Variants in LGI1 observed in about 807,000 individuals in gnomAD.
The protein encoded by LGI1 is leucine-rich glioma-inactivated protein 1.
LGI1 carries 11 observed loss-of-function variants against 57.7 expected under a neutral mutation model. The observed-to-expected ratio is 0.19, with a 90% confidence interval of 0.12 to 0.32. LGI1 has a LOEUF of 0.32. Among genes scored for constraint, LGI1 ranks in the 10% least tolerant of loss-of-function variants. LGI1 has a pLI of 1.00. For missense variants in LGI1, 422 were observed against 661.9 expected (o/e 0.64, Z 3.98); for synonymous variants, 222 against 241.9 (o/e 0.92, Z 0.76).
chr10:93,773,952 T>A (rs2059766604), intron 2 of LGI1, among the ~76,000 whole-genome samples: 1 of 152,070 alleles, frequency 6.6e-6, no homozygotes, highest in African/African-American at 2.4e-5. Context: ...AGTAACGAGG[T>A]CATTTGGATG....
chr10:93,765,985 A>AG (rs1181604368), intron 2 of LGI1, among the ~76,000 whole-genome samples: 1 of 151,850 alleles, frequency 6.6e-6, no homozygotes, highest in Non-Finnish European at 1.5e-5. Flanking sequence ...AAAAAAAAAA[A>AG]AAAAGAAATG....
intron 7 of LGI1, among the ~76,000 whole-genome samples, chr10:93,796,021 G>A (rs1177042434): frequency 6.6e-6 from 1 of 152,236 alleles, no homozygotes; most frequent in Non-Finnish European, 1.5e-5. Flanking sequence ...ATTTTCTAGA[G>A]CCAAACTCCT....
chr10:93,787,149 C>A (rs1451291039), intron 4 of LGI1, among the ~76,000 whole-genome samples: 2 of 152,156 alleles, frequency 1.3e-5, no homozygotes, highest in Non-Finnish European at 2.9e-5. Flanking sequence ...CCTTCTCATG[C>A]CCATCACTCA....
intron 4 of LGI1, chr10:93,789,737 G>T (rs2059920291): frequency 9.4e-6 from 2 of 213,154 alleles, no homozygotes; most frequent in South Asian, 1.8e-4. Context: ...AGCCGGGTAT[G>T]GTGGCGGGCA....
intron 7 of LGI1, 112 bp downstream of exon 7, chr10:93,793,462 AC>A: frequency 1.1e-6 from 1 of 949,588 alleles, no homozygotes; most frequent in Non-Finnish European, 1.7e-6. Context: ...TTCCAACTCT[AC>A]CATTTGTTAA....
chr10:93,764,624 G>T (rs2059655838), intron 2 of LGI1: 1 of 152,118 alleles, frequency 6.6e-6, no homozygotes, highest in South Asian at 2.1e-4. Context: ...TCCCCACTCT[G>T]CTTCTTCCTA....
intron 4 of LGI1, among the ~76,000 whole-genome samples, chr10:93,779,230 C>T (rs114633747): frequency 0.01 from 1,550 of 151,268 alleles, 29 homozygotes; most frequent in African/African-American, 0.034. Flanking sequence ...ATCCACATGG[C>T]CTCTGTCCAG....
intron 2 of LGI1, among the ~76,000 whole-genome samples, chr10:93,760,847 G>T (rs951821274): frequency 6.6e-5 from 10 of 152,102 alleles, no homozygotes; most frequent in Non-Finnish European, 1.5e-4. Context: ...AGCAGTTCAG[G>T]TTTCAGAAAT....
At chr10:93,776,338 T>A (rs187552137) in intron 2 of LGI1, among the ~76,000 whole-genome samples, 1 of 152,202 alleles carries the variant, frequency 6.6e-6, no homozygotes, top group African/African-American at 2.4e-5. Context: ...TATGTATCCA[T>A]CTTTCAGCTT....
At position 93,762,728 on chromosome 10, in the gene LGI1, T is replaced by C. The variant is rs1026550438; in HGVS notation, c.287+3897T>C. The C allele has an allele frequency of 3.4e-5, 5 of 146,714 alleles. No individual in the cohort carries two copies. The East Asian group carries it at 9.9e-4, about 29-fold the overall frequency. 9.1% of individuals were successfully genotyped at this position (146,714 alleles called of 1,614,324 possible). A position where few individuals can be genotyped will look rare whatever the true frequency, so the allele number is the denominator to read the frequency against. Reference sequence around the variant, plus strand: ...GCCCAATGATCCATAGATCTAATCTTTAACTTTTTAATTAATTACTTCTTT... The same window carrying C: ...GCCCAATGATCCATAGATCTAATCTCTAACTTTTTAATTAATTACTTCTTT... On this transcript the variant is annotated intron_variant, in intron 2 of 7. Coordinates refer to ENST00000371418, the MANE Select transcript of LGI1 (RefSeq NM_005097.4).
rs2059944275 is a variant in LGI1 at position 93,792,375 on chromosome 10, TA to T, written c.504-364del. On this transcript the variant is annotated intron_variant, in intron 5 of 7. Coordinates refer to ENST00000371418, the MANE Select transcript of LGI1 (RefSeq NM_005097.4). Reference sequence around the variant, plus strand: ...AATCTTTTGTATGTATTGGGTTAAATAAAACATATTATTAAAATGAATTATA... The same window carrying T: ...AATCTTTTGTATGTATTGGGTTAAATAAACATATTATTAAAATGAATTATA... 1.1e-4 allele frequency: 26 copies of T among 233,188 alleles called. No homozygotes were observed. The South Asian group carries it at 1.9e-3, about 17-fold the overall frequency. 14.4% of individuals were successfully genotyped at this position (233,188 alleles called of 1,614,324 possible). A position where few individuals can be genotyped will look rare whatever the true frequency, so the allele number is the denominator to read the frequency against.
intron 2 of LGI1, 183 bp from the exon 3 acceptor site, chr10:93,777,196 A>C (rs2059802784): frequency 3.1e-6 from 2 of 654,704 alleles, no homozygotes; most frequent in Non-Finnish European, 5.5e-6. Context: ...TGAGCCTTTG[A>C]TGAGGAGATG....
intron 4 of LGI1, among the ~76,000 whole-genome samples, chr10:93,782,538 C>G (rs2059855273): frequency 6.6e-6 from 1 of 151,532 alleles, no homozygotes; most frequent in African/African-American, 2.4e-5. Flanking sequence ...GTGTATATAC[C>G]ATTTAAACAT....
At chr10:93,773,666 C>T (rs3781269) in intron 2 of LGI1, among the ~76,000 whole-genome samples, 2 of 152,196 alleles carry the variant, frequency 1.3e-5, no homozygotes, top group Non-Finnish European at 2.9e-5. Context: ...AGCCTCCCCT[C>T]TCCTCCCACA....
intron 4 of LGI1, chr10:93,789,136 C>T (rs1312592267): frequency 1.3e-5 from 2 of 150,652 alleles, no homozygotes; most frequent in Non-Finnish European, 2.9e-5. Context: ...TAGTGATTTA[C>T]GGAAGAACAA....
At chr10:93,775,300 A>G (rs553425576) in intron 2 of LGI1, among the ~76,000 whole-genome samples, 3 of 152,310 alleles carry the variant, frequency 2.0e-5, no homozygotes, top group South Asian at 2.1e-4. Context: ...TGTACTTTAT[A>G]TAAGTACAGT....
At chr10:93,783,580 C>T (rs1481896406) in intron 4 of LGI1, among the ~76,000 whole-genome samples, 1 of 152,152 alleles carries the variant, frequency 6.6e-6, no homozygotes, top group Non-Finnish European at 1.5e-5. Context: ...GCACTAGTCA[C>T]TCACAGGGCT....
rs2059590742 is a variant in LGI1 at position 93,758,694 on chromosome 10, T to A, written c.216-66T>A. 10 of 1,131,886 alleles carry A rather than the reference T, an allele frequency of 8.8e-6. No homozygotes were observed. Among genetic ancestry groups the A allele is most frequent in the South Asian group, 1.2e-5 (1 of 80,096 alleles). The allele number at this position is 1,131,886 out of a possible 1,614,324, so 70.1% of individuals were successfully genotyped here. ...CTAAACCGGATTAACATAAGGTTTGTTCTGTGTGTGTGTGTCTCTTTGTGT... is the reference window on the plus strand; with the variant it reads ...CTAAACCGGATTAACATAAGGTTTGATCTGTGTGTGTGTGTCTCTTTGTGT... On this transcript the variant is annotated intron_variant, in intron 1 of 7. Coordinates refer to ENST00000371418, the MANE Select transcript of LGI1 (RefSeq NM_005097.4). The surrounding 1 kb of genome is among the most constrained non-coding windows in gnomAD (Gnocchi z 4.7).
intron 4 of LGI1, among the ~76,000 whole-genome samples, chr10:93,777,857 A>C (rs1479904625): frequency 6.6e-6 from 1 of 152,248 alleles, no homozygotes; most frequent in Non-Finnish European, 1.5e-5. Flanking sequence ...TAATGCAGGG[A>C]AATTGTGTGC....
Sources: allele counts gnomAD v4.1 joint callset (sites outside exome capture counted in the v4.1 genomes callset), GRCh38; gene constraint gnomAD v4.1.1; non-coding constraint Gnocchi (gnomAD v3.1); transcripts MANE v1.5; gene names NCBI Gene and HGNC (gene_info 2026-07-23, HGNC 2026-07-21).